Variants in DHRS7C observed in about 807,000 individuals in gnomAD.
DHRS7C encodes the protein dehydrogenase/reductase 7C.
Under a neutral mutation model 29.6 loss-of-function variants are expected in DHRS7C, and 28 were observed. The ratio of observed to expected loss-of-function variants is 0.95; its 90% CI spans 0.70 to 1.30. The LOEUF is 1.30. DHRS7C is among the 50% of genes most tolerant of loss of function. The pLI is 0.00. For synonymous variants in DHRS7C, 158 were observed against 160.2 expected (o/e 0.99, Z 0.10); for missense variants, 403 against 393.3 (o/e 1.02, Z -0.21).
At chr17:9,781,736 C>T in intron 1 of DHRS7C, 142 bp from the exon 2 acceptor site, 1 of 711,524 alleles carries the variant, frequency 1.4e-6, no homozygotes, top group Non-Finnish European at 2.3e-6. Context: ...CTTCATTGAA[C>T]TCCCTCCCCG....
intron 3 of DHRS7C, among the ~76,000 whole-genome samples, chr17:9,778,978 T>C (rs80054774): frequency 0.13 from 19,151 of 152,098 alleles, 1,475 homozygotes; most frequent in Non-Finnish European, 0.19. Flanking sequence ...GGTGTGATCT[T>C]GGCTCACTGC....
intron 3 of DHRS7C, 100 bp downstream of exon 3, chr17:9,779,725 G>A: frequency 8.1e-7 from 1 of 1,231,952 alleles, no homozygotes. Flanking sequence ...AGGGGACTGG[G>A]GAATTCCATA....
At chr17:9,789,946 C>T (rs1359030912) in intron 1 of DHRS7C, among the ~76,000 whole-genome samples, 1 of 152,104 alleles carries the variant, frequency 6.6e-6, no homozygotes. Context: ...GTGTGAGACT[C>T]ATCTAGGGGC....
chr17:9,776,399 T>A (rs1039330271), intron 4 of DHRS7C, among the ~76,000 whole-genome samples: 1 of 152,160 alleles, frequency 6.6e-6, no homozygotes, highest in African/African-American at 2.4e-5. Context: ...AAAAACAAAT[T>A]TCTGTTGTGT....
At position 9,779,943 on chromosome 17, in the gene DHRS7C, C is replaced by G. The variant is rs1304977361; in HGVS notation, c.360G>C (p.Val120=). ...CACTGGCATTGTTGATGAGGATGTC[C>G]ACACAGCCATAGCAATCCAGGACTT... The part of the protein sequence containing the change: ...AKEVLDCYGC[V]DILINNASVK... The change falls in exon 3 of 6, where the codon GTG becomes GTC. Residue 120 remains valine, a synonymous_variant. Coordinates refer to ENST00000571134, the MANE Select transcript of DHRS7C (RefSeq NM_001105571.3). 6.2e-7 allele frequency: 1 copy of G among 1,613,874 alleles called. No homozygotes were observed. Among genetic ancestry groups the G allele is most frequent in the African/African-American group, 1.3e-5 (1 of 75,024 alleles).
intron 3 of DHRS7C, among the ~76,000 whole-genome samples, chr17:9,778,753 T>C (rs1328173631): frequency 5.9e-5 from 9 of 152,200 alleles, no homozygotes; most frequent in Non-Finnish European, 1.2e-4. Flanking sequence ...TTGTTAGAGG[T>C]ACCCAGCATG....
At position 9,779,836 on chromosome 17, in the gene DHRS7C, G is replaced by A; in HGVS notation, c.467C>T (p.Thr156Ile). 7 of 1,612,602 alleles carry A rather than the reference G, an allele frequency of 4.3e-6. No individual in the cohort carries two copies. The highest frequency in any genetic ancestry group is 5.9e-6 in the Non-Finnish European group (7 of 1,179,338). Residue 156 changes from threonine (T) to isoleucine (I), a missense_variant, in exon 3 of 6, where the codon ACA (threonine) becomes ATA (isoleucine). By Grantham distance (89) the Thr-to-Ile change is moderately conservative. Coordinates refer to ENST00000571134, the MANE Select transcript of DHRS7C (RefSeq NM_001105571.3). ...IMDANYFGPI[T>I]LTKALLPNMI... ...CAAACTCACGAGACCTTTCGTCAAT[G>A]TGATGGGGCCAAAGTAATTGGCATC...
intron 1 of DHRS7C, among the ~76,000 whole-genome samples, chr17:9,786,620 G>T (rs1300806002): frequency 2.0e-5 from 3 of 152,058 alleles, no homozygotes; most frequent in Non-Finnish European, 4.4e-5. Flanking sequence ...AAATATACAT[G>T]GCTTTTATAA....
chr17:9,777,711 G>A (rs771703443), intron 3 of DHRS7C, among the ~76,000 whole-genome samples: 6 of 152,034 alleles, frequency 3.9e-5, no homozygotes, highest in Admixed American at 1.3e-4. Flanking sequence ...CATCATTCCC[G>A]TTTCAATTCT....
chr17:9,777,536 C>CT (rs35099144), intron 3 of DHRS7C, among the ~76,000 whole-genome samples: 77,346 of 147,752 alleles, frequency 0.52, 20,241 homozygotes, highest in Middle Eastern at 0.61. Context: ...ACACTGATTT[C>CT]TTTTTTTTTT....
intron 1 of DHRS7C, among the ~76,000 whole-genome samples, chr17:9,784,070 G>A (rs1040376071): frequency 6.6e-6 from 1 of 151,526 alleles, no homozygotes; most frequent in Non-Finnish European, 1.5e-5. Context: ...AACAGAAATA[G>A]ACGAAGATAG....
At chr17:9,777,172 A>G in intron 4 of DHRS7C, 21 bp downstream of exon 4, 7 of 1,592,302 alleles carry the variant, frequency 4.4e-6, no homozygotes, top group Non-Finnish European at 6.0e-6. Flanking sequence ...AAGATATCAT[A>G]TTTTTATCTT....
intron 2 of DHRS7C, among the ~76,000 whole-genome samples, chr17:9,781,033 C>G (rs1022022830): frequency 2.0e-5 from 3 of 152,210 alleles, no homozygotes; most frequent in Non-Finnish European, 4.4e-5. Context: ...AGTCCCCTGA[C>G]CAGTGCTCCA....
At position 9,779,819 on chromosome 17, in the gene DHRS7C, C is replaced by G. The variant is rs373394687; in HGVS notation, c.478+6G>C. 6.2e-7 allele frequency: 1 copy of G among 1,608,852 alleles called. No individual in the cohort carries two copies. ...GATACCCATGGGAAAGTCAAACTCA[C>G]GAGACCTTTCGTCAATGTGATGGGG... On this transcript the variant is annotated splice_donor_region_variant and intron_variant, in intron 3 of 5. Coordinates refer to ENST00000571134, the MANE Select transcript of DHRS7C (RefSeq NM_001105571.3).
At position 9,772,872 on chromosome 17, in the gene DHRS7C, C is replaced by A. The variant is rs1205055918; in HGVS notation, c.622G>T (p.Glu208Ter). 1 of 1,613,912 alleles carries A rather than the reference C, an allele frequency of 6.2e-7. No individual in the cohort carries two copies. ...ATGACAACATCGTATTCCTCCACTT[C>A]GGCTCGGAGGCAGTCAAAGAAGCCC... is the stretch of plus-strand genomic sequence containing the variant. ...ALGFFDCLRA[E>*]VEEYDVVIST... is the part of the protein sequence containing the mutation. Residue 208 changes from glutamate (E) to a stop codon, truncating the protein, a stop_gained, in exon 5 of 6, where the codon GAA (glutamate) becomes TAA (stop). Transcript: ENST00000571134. LOFTEE classifies it high-confidence loss of function.
intron 5 of DHRS7C, 78 bp from the exon 6 acceptor site, chr17:9,771,774 G>A: frequency 7.8e-7 from 1 of 1,276,474 alleles, no homozygotes. Flanking sequence ...CATGCACAAA[G>A]GCTGAGGGGC....
chr17:9,781,654 A>G, intron 1 of DHRS7C, 60 bp from the exon 2 acceptor site: 2 of 1,534,844 alleles, frequency 1.3e-6, no homozygotes, highest in Non-Finnish European at 1.8e-6. Context: ...CTGACAGTGA[A>G]CCCCCTCTCT....
chr17:9,776,986 T>C (rs1395326635), intron 4 of DHRS7C, among the ~76,000 whole-genome samples: 1 of 152,170 alleles, frequency 6.6e-6, no homozygotes, highest in Admixed American at 6.5e-5. Flanking sequence ...AGCGTATCTT[T>C]AATATCTCAG....
rs548124003 is a variant in DHRS7C at position 9,772,896 on chromosome 17, C to T, written c.598G>A (p.Gly200Ser). 3.3e-5 allele frequency: 54 copies of T among 1,613,842 alleles called. 1 individual carries two copies. In the South Asian group the frequency reaches 5.5e-4, roughly 16 times the overall value. Residue 200 changes from glycine to serine, a missense_variant, in exon 5 of 6, where the codon GGC (glycine) becomes AGC (serine). Gly to Ser is a moderately conservative substitution (Grantham distance 56). Transcript: ENST00000571134. ...TYAASKHAAL[G>S]FFDCLRAEVE... Reference sequence around the variant, plus strand: ...TCGGCTCGGAGGCAGTCAAAGAAGCCCAGGGCTGCGTGCTTGGAGGCAGCG... The same window carrying T: ...TCGGCTCGGAGGCAGTCAAAGAAGCTCAGGGCTGCGTGCTTGGAGGCAGCG...
Sources: gnomAD v4.1 joint callset for allele counts (sites outside exome capture counted in the v4.1 genomes callset) on GRCh38, gnomAD v4.1.1 for gene constraint, MANE v1.5 for transcripts, NCBI Gene and HGNC (gene_info 2026-07-23, HGNC 2026-07-21) for gene names.